Variants in USP40 observed in about 807,000 individuals in gnomAD.
USP40 encodes the protein ubiquitin carboxyl-terminal hydrolase 40.
Under a neutral mutation model 166.2 loss-of-function variants are expected in USP40, and 143 were observed. That is an observed-to-expected ratio of 0.86 (90% CI 0.75 to 0.99). The LOEUF (loss-of-function observed/expected upper bound fraction) is 0.99. USP40 is among the 50% of genes least tolerant of loss of function. USP40 has a pLI of 0.00. For missense variants in USP40, 1,444 were observed against 1,479.7 expected (o/e 0.98, Z 0.40); for synonymous variants, 498 against 524.0 (o/e 0.95, Z 0.68).
At chr2:233,551,281 G>C in intron 7 of USP40, 95 bp downstream of exon 7, 3 of 1,318,560 alleles carry the variant, frequency 2.3e-6, no homozygotes, top group Non-Finnish European at 3.1e-6. Context: ...CCAAGGTTTA[G>C]AGATTCTCAC....
intron 21 of USP40, among the ~76,000 whole-genome samples, chr2:233,503,468 G>T (rs2066215936): frequency 6.6e-6 from 1 of 152,046 alleles, no homozygotes; most frequent in South Asian, 2.1e-4. Context: ...ATCCTCTTTG[G>T]GCACTTTATA....
At chr2:233,517,042 T>G (rs1372011925) in intron 18 of USP40, among the ~76,000 whole-genome samples, 1 of 152,212 alleles carries the variant, frequency 6.6e-6, no homozygotes, top group Non-Finnish European at 1.5e-5. Context: ...ATTATAAATG[T>G]TTTCTTAATT....
intron 30 of USP40, among the ~76,000 whole-genome samples, chr2:233,481,916 C>A (rs1440728735): frequency 6.6e-6 from 1 of 152,184 alleles, no homozygotes; most frequent in Non-Finnish European, 1.5e-5. Flanking sequence ...GGGGCGCACC[C>A]AGGAAGGGAA....
chr2:233,559,918 T>C lies in USP40; in HGVS notation c.274A>G (p.Ile92Val). Residue 92 changes from isoleucine to valine, a missense_variant, in exon 4 of 32, where the codon ATC becomes GTC. Physicochemically the swap from Ile to Val is conservative, Grantham distance 29. Transcript: ENST00000678225. ...DKDKPDAKVR[I>V]IPLQLQRLFA... ...AAGCGCTGTAACTGTAAAGGGATGATTCGAACCTGAATGAGAAACAAACAC... is the reference window on the plus strand; with the variant it reads ...AAGCGCTGTAACTGTAAAGGGATGACTCGAACCTGAATGAGAAACAAACAC... The C allele has an allele frequency of 6.2e-7, 1 of 1,601,572 alleles. No homozygotes were observed. The highest frequency in any genetic ancestry group is 2.2e-5 in the East Asian group (1 of 44,662).
Position 233,519,686 on chromosome 2 carries a change from T to C in USP40, c.2326-15A>G. The C allele has an allele frequency of 7.4e-7, 1 of 1,343,762 alleles. No individual in the cohort carries two copies. The highest frequency in any genetic ancestry group is 1.0e-6 in the Non-Finnish European group (1 of 978,930). The allele number at this position is 1,343,762 out of a possible 1,614,324, so 83.2% of individuals were successfully genotyped here. Reference sequence around the variant, plus strand: ...TCAAACACCATCTAAAACAGAGAAATAAAATAATGACTAAGTTGTAAAAAA... The same window carrying C: ...TCAAACACCATCTAAAACAGAGAAACAAAATAATGACTAAGTTGTAAAAAA... On this transcript the variant is annotated splice_polypyrimidine_tract_variant and intron_variant, in intron 17 of 31. Coordinates refer to ENST00000678225, the MANE Select transcript of USP40 (RefSeq NM_001365479.2).
intron 31 of USP40, among the ~76,000 whole-genome samples, chr2:233,478,157 T>A (rs745155): frequency 6.6e-6 from 1 of 152,144 alleles, no homozygotes; most frequent in African/African-American, 2.4e-5. Context: ...TGAAGCTGCC[T>A]TGTAATTTTG....
intron 18 of USP40, among the ~76,000 whole-genome samples, chr2:233,518,684 A>G (rs2067435381): frequency 1.3e-5 from 2 of 152,192 alleles, no homozygotes; most frequent in Admixed American, 6.5e-5. Flanking sequence ...ACTTTGGATA[A>G]TAGTGCGAGA....
At chr2:233,483,733 G>A (rs1256903840) in intron 30 of USP40, among the ~76,000 whole-genome samples, 9 of 152,044 alleles carry the variant, frequency 5.9e-5, no homozygotes, top group African/African-American at 1.7e-4. Flanking sequence ...AGGGAGGCTC[G>A]ACCGTTAAGT....
intron 11 of USP40, among the ~76,000 whole-genome samples, chr2:233,530,547 A>G (rs2068435899): frequency 6.6e-6 from 1 of 152,212 alleles, no homozygotes; most frequent in Non-Finnish European, 1.5e-5. Flanking sequence ...AGGCTTTTAA[A>G]TACACATACT....
At chr2:233,564,080 T>C (rs968989467) in intron 2 of USP40, among the ~76,000 whole-genome samples, 1 of 152,210 alleles carries the variant, frequency 6.6e-6, no homozygotes, top group Non-Finnish European at 1.5e-5. Context: ...GATATTTTTA[T>C]GGAGGGGATC....
chr2:233,533,660 G>A lies in USP40; in HGVS notation c.1290C>T (p.Phe430=). Residue 430 remains phenylalanine (F), a synonymous_variant, in exon 11 of 32, where the codon TTC becomes TTT. Coordinates refer to ENST00000678225, the MANE Select transcript of USP40 (RefSeq NM_001365479.2). ...SDFQRNDQQI[F]KMLPPESPGL... is the part of the protein sequence containing the mutation. ...CTGGGGATTCTGGAGGAAGCATCTT[G>A]AAAATTTGCTGGTCATTCCTTTGGA... 2 of 1,613,786 alleles carry A rather than the reference G, an allele frequency of 1.2e-6. No individual in the cohort carries two copies. The highest frequency in any genetic ancestry group is 1.7e-6 in the Non-Finnish European group (2 of 1,179,802).
At chr2:233,533,409 C>A in intron 11 of USP40, 70 bp downstream of exon 11, 2 of 1,458,102 alleles carry the variant, frequency 1.4e-6, no homozygotes, top group South Asian at 1.4e-5. Context: ...AATAAAAATT[C>A]AAACAGCATT....
chr2:233,559,753 C>T (rs2071408378), intron 4 of USP40, 58 bp downstream of exon 4: 2 of 1,230,592 alleles, frequency 1.6e-6, no homozygotes, highest in Non-Finnish European at 2.3e-6. Flanking sequence ...AACATTAAAC[C>T]AGCCTTATTC....
intron 18 of USP40, among the ~76,000 whole-genome samples, chr2:233,516,275 TTTAAA>T (rs1396274159): frequency 6.6e-6 from 1 of 152,196 alleles, no homozygotes; most frequent in Non-Finnish European, 1.5e-5. Flanking sequence ...TTATGGCCAC[TTTAAA>T]TTATTTGTAT....
chr2:233,528,802 A>C (rs2068259672), intron 12 of USP40, among the ~76,000 whole-genome samples: 1 of 152,122 alleles, frequency 6.6e-6, no homozygotes, highest in African/African-American at 2.4e-5. Flanking sequence ...AGATCACGGT[A>C]ACATCCATTT....
At chr2:233,481,363 C>A in intron 30 of USP40, 66 bp from the exon 31 acceptor site, 1 of 1,421,828 alleles carries the variant, frequency 7.0e-7, no homozygotes, top group South Asian at 1.3e-5. Context: ...TTAAAAGAGG[C>A]ATGTCTAAAA....
intron 27 of USP40, 65 bp downstream of exon 27, chr2:233,489,300 T>C: frequency 3.5e-6 from 5 of 1,414,478 alleles, no homozygotes; most frequent in Non-Finnish European, 4.9e-6. Flanking sequence ...TCCTCCTCCA[T>C]CCCTCACACC....
rs1448454986 is a variant in USP40 at position 233,480,414 on chromosome 2, G to A, written c.3599+789C>T. Among the ~76,000 whole-genome samples, 1 of 152,210 alleles carries A rather than the reference G, an allele frequency of 6.6e-6. No individual in the cohort carries two copies. The highest frequency in any genetic ancestry group is 2.4e-5 in the African/African-American group (1 of 41,452). ...GGGGGCCTCTGGTGAGGCCTGCATG[G>A]AGCTGATGCCACGGGCAGGTCCTGG... On this transcript the variant is annotated intron_variant, in intron 31 of 31. Coordinates refer to ENST00000678225, the MANE Select transcript of USP40 (RefSeq NM_001365479.2). This position sits in a 1 kb window ranked among gnomAD's most constrained non-coding sequence, Gnocchi z 4.5.
At chr2:233,483,775 C>A (rs148622085) in intron 30 of USP40, among the ~76,000 whole-genome samples, 1 of 152,132 alleles carries the variant, frequency 6.6e-6, no homozygotes, top group South Asian at 2.1e-4. Context: ...CCGAAAAAAC[C>A]TGAAATCTGA....
Sources: allele counts gnomAD v4.1 joint callset (sites outside exome capture counted in the v4.1 genomes callset), GRCh38; gene constraint gnomAD v4.1.1; non-coding constraint Gnocchi (gnomAD v3.1); transcripts MANE v1.5; gene names NCBI Gene and HGNC (gene_info 2026-07-23, HGNC 2026-07-21).